GALNT10: variants seen among roughly 807,000 people sequenced by gnomAD.
GALNT10 encodes polypeptide N-acetylgalactosaminyltransferase 10.
Under a neutral mutation model 75.0 loss-of-function variants are expected in GALNT10, and 41 were observed. That is an observed-to-expected ratio of 0.55 (90% CI 0.43 to 0.71). The LOEUF (loss-of-function observed/expected upper bound fraction) is 0.71, where lower values mean the gene tolerates loss of function less well. Ranked by LOEUF, GALNT10 falls within the 30% of genes least tolerant of loss-of-function variation. The probability of loss-of-function intolerance (pLI) is 0.00; values close to 1 mark genes in which losing one functional copy is unlikely to be tolerated. For synonymous variants in GALNT10, 302 were observed against 313.0 expected, an observed-to-expected ratio of 0.96 and a Z score of 0.37; for missense variants, 727 against 818.5, an observed-to-expected ratio of 0.89 and a Z score of 1.36.
chr5:154,277,423 A>C (rs1400394976), intron 1 of GALNT10, among the ~76,000 whole-genome samples: 1 of 152,014 alleles, frequency 6.6e-6, no homozygotes, highest in African/African-American at 2.4e-5. Context: ...GGCCAAGGCA[A>C]GTCACAGAGC....
intron 7 of GALNT10, chr5:154,403,866 G>A (rs914642313): frequency 2.1e-5 from 12 of 578,158 alleles, no homozygotes; most frequent in Non-Finnish European, 3.5e-5. Context: ...CTTAAGTGTG[G>A]TTGTGCATGT....
chr5:154,202,953 C>T (rs1372608946), intron 1 of GALNT10, among the ~76,000 whole-genome samples: 1 of 152,218 alleles, frequency 6.6e-6, no homozygotes, highest in Non-Finnish European at 1.5e-5. Context: ...AGAGAGGCAG[C>T]TGAGGGCTCC....
intron 1 of GALNT10, among the ~76,000 whole-genome samples, chr5:154,207,051 G>A (rs1175188600): frequency 6.6e-6 from 1 of 152,194 alleles, no homozygotes; most frequent in East Asian, 1.9e-4. Flanking sequence ...CATTGCTACT[G>A]TTGCAGACTG....
At chr5:154,296,048 G>A (rs1754266909) in intron 2 of GALNT10, among the ~76,000 whole-genome samples, 1 of 152,126 alleles carries the variant, frequency 6.6e-6, no homozygotes, top group Non-Finnish European at 1.5e-5. Context: ...CAGAAAATGA[G>A]AAGGGGGAAT....
Position 154,321,276 on chromosome 5 carries a change from A to C in GALNT10, c.402-8296A>C, listed in dbSNP as rs576356261. Among the ~76,000 whole-genome samples the C allele has an allele frequency of 2.0e-5, 3 of 151,822 alleles. No homozygotes were observed. The East Asian group carries it at 5.8e-4, about 30-fold the overall frequency. ...ACAAAGAGACTTTGTTGTTACATGC[A>C]TTGCCCTGAGATGTCACAAGTTTCT... is the stretch of plus-strand genomic sequence containing the variant. On this transcript the variant is annotated intron_variant, in intron 3 of 11. Transcript: ENST00000297107.
chr5:154,388,386 T>A (rs998178815), intron 7 of GALNT10: 1 of 152,234 alleles, frequency 6.6e-6, no homozygotes, highest in African/African-American at 2.4e-5. Flanking sequence ...ACAAGTGAAG[T>A]TCGGTCCTGA....
intron 1 of GALNT10, among the ~76,000 whole-genome samples, chr5:154,273,322 A>C (rs1046360174): frequency 2.0e-5 from 3 of 152,184 alleles, no homozygotes; most frequent in Non-Finnish European, 2.9e-5. Flanking sequence ...TGGTTTCTCC[A>C]CCATATGAAA....
intron 3 of GALNT10, among the ~76,000 whole-genome samples, chr5:154,326,043 A>T (rs1581974714): frequency 6.6e-6 from 1 of 152,154 alleles, no homozygotes; most frequent in South Asian, 2.1e-4. Flanking sequence ...AAATTAATAT[A>T]CAAAAATCAA....
intron 1 of GALNT10, among the ~76,000 whole-genome samples, chr5:154,259,492 T>C (rs1753666280): frequency 6.6e-6 from 1 of 152,186 alleles, no homozygotes; most frequent in Non-Finnish European, 1.5e-5. Context: ...TTGGAGGTGC[T>C]TTGAGATTAT....
rs563035509 is a variant in GALNT10 at position 154,277,426 on chromosome 5, C to A, written c.160-17390C>A. ...CCTCATTCTTTTGGCCAAGGCAAGT[C>A]ACAGAGCCAGACCAACTTCAATAGG... On this transcript the variant is annotated intron_variant, in intron 1 of 11. Coordinates refer to ENST00000297107, the MANE Select transcript of GALNT10 (RefSeq NM_198321.4). 2.0e-5 allele frequency among the ~76,000 whole-genome samples: 3 copies of A among 152,030 alleles called. No individual in the cohort carries two copies. The South Asian group carries it at 6.2e-4, about 32-fold the overall frequency.
intron 1 of GALNT10, among the ~76,000 whole-genome samples, chr5:154,196,150 C>G (rs1220394420): frequency 1.3e-5 from 2 of 152,020 alleles, no homozygotes; most frequent in Non-Finnish European, 2.9e-5. Flanking sequence ...CTCGAACTCC[C>G]GACCTCAGGT....
At chr5:154,365,272 C>T (rs188021055) in intron 4 of GALNT10, among the ~76,000 whole-genome samples, 210 of 152,112 alleles carry the variant, frequency 1.4e-3, no homozygotes, top group Admixed American at 4.5e-3. Context: ...TACCTGCACC[C>T]GAGGAGTAGG....
intron 1 of GALNT10, among the ~76,000 whole-genome samples, chr5:154,225,802 T>G (rs1753054641): frequency 6.6e-6 from 1 of 152,246 alleles, no homozygotes; most frequent in South Asian, 2.1e-4. Flanking sequence ...TTTCTTTCCT[T>G]TGGATTTTTT....
At chr5:154,328,240 A>T (rs7737920) in intron 3 of GALNT10, among the ~76,000 whole-genome samples, 1 of 152,162 alleles carries the variant, frequency 6.6e-6, no homozygotes, top group Non-Finnish European at 1.5e-5. Flanking sequence ...TAGATGTTTG[A>T]TGATATTAAG....
chr5:154,358,954 A>G (rs951731459), intron 4 of GALNT10, among the ~76,000 whole-genome samples: 9 of 152,226 alleles, frequency 5.9e-5, no homozygotes, highest in African/African-American at 2.2e-4. Context: ...AGAGTGTTGT[A>G]TTATTTTTTC....
chr5:154,415,910 A>AC lies in GALNT10; in HGVS notation c.1633dup (p.Gln545ProfsTer24), dbSNP rs765214593. The AC allele has an allele frequency of 1.2e-6, 2 of 1,614,068 alleles. No homozygotes were observed. Among genetic ancestry groups the AC allele is most frequent in the Non-Finnish European group, 1.7e-6 (2 of 1,179,976 alleles). ...TACGACTGCCACAGCATGAAGGGCA[A>AC]CCAGCTGTGGAAATACCGCAAAGTA... On this transcript the variant is annotated frameshift_variant, in exon 11 of 12. Coordinates refer to ENST00000297107, the MANE Select transcript of GALNT10 (RefSeq NM_198321.4). LOFTEE classifies it high-confidence loss of function.
chr5:154,257,612 G>A (rs1753633670), intron 1 of GALNT10, among the ~76,000 whole-genome samples: 1 of 151,512 alleles, frequency 6.6e-6, no homozygotes, highest in African/African-American at 2.4e-5. Context: ...GTCAGAGGTT[G>A]CAGTGAGCCG....
intron 4 of GALNT10, among the ~76,000 whole-genome samples, chr5:154,375,561 G>A (rs1408925360): frequency 1.3e-5 from 2 of 152,182 alleles, no homozygotes; most frequent in Non-Finnish European, 2.9e-5. Flanking sequence ...TCAGGCACGT[G>A]AGTCTAGGGA....
intron 3 of GALNT10, among the ~76,000 whole-genome samples, chr5:154,324,894 G>A (rs1449177042): frequency 1.3e-5 from 2 of 152,034 alleles, no homozygotes; most frequent in Non-Finnish European, 2.9e-5. Context: ...AAATGTTGTG[G>A]TGTGACCAAA....
Sources: gnomAD v4.1 joint callset for allele counts (sites outside exome capture counted in the v4.1 genomes callset) on GRCh38, gnomAD v4.1.1 for gene constraint, MANE v1.5 for transcripts, NCBI Gene and HGNC (gene_info 2026-07-23, HGNC 2026-07-21) for gene names.